The following SMARCA2 variants were observed in gnomAD, a reference collection of about 807,000 sequenced individuals.
SMARCA2 encodes the protein SWI/SNF-related matrix-associated actin-dependent regulator of chromatin subfamily A member 2.
Under a neutral mutation model 199.8 loss-of-function variants are expected in SMARCA2, and 61 were observed. The ratio of observed to expected loss-of-function variants is 0.31; its 90% CI spans 0.25 to 0.38. The LOEUF (loss-of-function observed/expected upper bound fraction) is 0.38. Ranked by LOEUF, SMARCA2 falls within the 10% of genes least tolerant of loss-of-function variation. The pLI is 1.00. For missense variants in SMARCA2, 1,344 were observed against 2,012.2 expected (o/e 0.67, Z 6.35); for synonymous variants, 935 against 732.0 (o/e 1.28, Z -4.48).
chr9:2,058,581 A>G lies in SMARCA2; in HGVS notation c.1521+117A>G, dbSNP rs914658125. The G allele has an allele frequency of 3.4e-6, 3 of 873,298 alleles. No homozygotes were observed. In the Admixed American group the frequency reaches 8.3e-5, roughly 24 times the overall value. 54.1% of individuals were successfully genotyped at this position (873,298 alleles called of 1,614,324 possible). ...ATGAAAACTGCTTATCAAAAATTTT[A>G]GTAAATTTCTTTGAACCTTAGGGAG... On this transcript the variant is annotated intron_variant, in intron 8 of 33. Coordinates refer to ENST00000349721, the MANE Select transcript of SMARCA2 (RefSeq NM_003070.5).
In SMARCA2 at chr9:2,077,794, A is replaced by G. The variant is rs374033028; in HGVS notation, c.2184+18A>G. The G allele has an allele frequency of 5.0e-6, 8 of 1,591,922 alleles. No individual in the cohort carries two copies. Among genetic ancestry groups the G allele is most frequent in the Non-Finnish European group, 6.8e-6 (8 of 1,168,120 alleles). On this transcript the variant is annotated intron_variant, in intron 14 of 33. Coordinates refer to ENST00000349721, the MANE Select transcript of SMARCA2 (RefSeq NM_003070.5). Reference sequence around the variant, plus strand: ...ATTACCAGGTAATTGGCATGGTTTCAGTTTCCTTGGCAAGTTGTAACCATT... The same window carrying G: ...ATTACCAGGTAATTGGCATGGTTTCGGTTTCCTTGGCAAGTTGTAACCATT...
At chr9:2,120,370 G>A (rs1362996231) in intron 26 of SMARCA2, among the ~76,000 whole-genome samples, 4 of 152,142 alleles carry the variant, frequency 2.6e-5, no homozygotes, top group Admixed American at 2.0e-4. Context: ...GTCTATGGGG[G>A]GACAGAGCTG....
chr9:2,096,641 G>T lies in SMARCA2; in HGVS notation c.2884-16G>T, dbSNP rs769461770. 1.9e-6 allele frequency: 3 copies of T among 1,574,984 alleles called. No homozygotes were observed. The highest frequency in any genetic ancestry group is 4.5e-5 in the East Asian group (2 of 44,684). On this transcript the variant is annotated splice_polypyrimidine_tract_variant and intron_variant, in intron 19 of 33. Coordinates refer to ENST00000349721, the MANE Select transcript of SMARCA2 (RefSeq NM_003070.5). ...TCCTTCCTGCTCTTGCCTACTTACT[G>T]TTCTCTTTTCTGCAGGTGGAATATG... is the stretch of plus-strand genomic sequence containing the variant.
chr9:2,053,812 C>A (rs1820233736), intron 5 of SMARCA2, among the ~76,000 whole-genome samples: 1 of 152,216 alleles, frequency 6.6e-6, no homozygotes, highest in African/African-American at 2.4e-5. Flanking sequence ...AATAGTATCC[C>A]AAGTGAATGG....
intron 10 of SMARCA2, among the ~76,000 whole-genome samples, chr9:2,071,252 A>G (rs1031716186): frequency 5.9e-5 from 9 of 152,214 alleles, no homozygotes; most frequent in Non-Finnish European, 1.3e-4. Context: ...GAGATGCAGA[A>G]AAAAAAGATT....
At chr9:2,155,502 C>G (rs7875647) in intron 27 of SMARCA2, among the ~76,000 whole-genome samples, 12,387 of 152,058 alleles carry the variant, frequency 0.081, 1,708 homozygotes, top group African/African-American at 0.28. Context: ...AGGCTGGTCT[C>G]GAACTCCTGA....
chr9:2,081,706 T>G (rs1586684794), intron 14 of SMARCA2, 126 bp from the exon 15 acceptor site: 1 of 729,970 alleles, frequency 1.4e-6, no homozygotes, highest in East Asian at 2.6e-5. Context: ...TTCCCCCATT[T>G]TCCTACTGTG....
At chr9:2,042,750 C>T (rs1819666912) in intron 4 of SMARCA2, 1 of 151,694 alleles carries the variant, frequency 6.6e-6, no homozygotes, top group Non-Finnish European at 1.5e-5. Context: ...ACTCACTGCT[C>T]ATGTCTTTTT....
chr9:2,072,593 C>T (rs1343509660), intron 10 of SMARCA2, among the ~76,000 whole-genome samples: 1 of 152,220 alleles, frequency 6.6e-6, no homozygotes, highest in African/African-American at 2.4e-5. Flanking sequence ...AATACCTTTT[C>T]TGTTTTTCAT....
At chr9:2,144,358 C>T (rs1448579686) in intron 27 of SMARCA2, among the ~76,000 whole-genome samples, 1 of 152,142 alleles carries the variant, frequency 6.6e-6, no homozygotes, top group South Asian at 2.1e-4. Flanking sequence ...CAGAGCAAGT[C>T]CGTTCTTGTG....
rs7874215 is a variant in SMARCA2, at chr9:2,145,456, T to A, written c.3982-16230T>A. On this transcript the variant is annotated intron_variant, in intron 27 of 33. Transcript: ENST00000349721. ...ATTAGAAAGCTTTTGGCAATTTTTTTAAAATTATTAATGTCCTTCTGGGTG... is the reference window on the plus strand; with the variant it reads ...ATTAGAAAGCTTTTGGCAATTTTTTAAAAATTATTAATGTCCTTCTGGGTG... Among the ~76,000 whole-genome samples, 871 of 152,286 alleles carry A rather than the reference T, an allele frequency of 5.7e-3. 3 individuals are homozygous for A. The highest frequency in any genetic ancestry group is 0.019 in the African/African-American group (784 of 41,558).
chr9:2,058,690 C>T (rs1355371128), intron 8 of SMARCA2, among the ~76,000 whole-genome samples: 1 of 152,066 alleles, frequency 6.6e-6, no homozygotes, highest in Non-Finnish European at 1.5e-5. Flanking sequence ...ATTTCTGTGT[C>T]CTGGGGTGGC....
At chr9:2,083,562 A>G in intron 16 of SMARCA2, 149 bp downstream of exon 16, 1 of 536,608 alleles carries the variant, frequency 1.9e-6, no homozygotes, top group Non-Finnish European at 3.3e-6. Context: ...AATCATCCCA[A>G]GAAGATTACT....
chr9:2,175,851 T>C (rs1826545047), intron 29 of SMARCA2, among the ~76,000 whole-genome samples: 1 of 152,050 alleles, frequency 6.6e-6, no homozygotes, highest in South Asian at 2.1e-4. Flanking sequence ...TACAATTTGA[T>C]ATCCTCTGTT....
At chr9:2,121,524 A>C (rs1002459821) in intron 26 of SMARCA2, among the ~76,000 whole-genome samples, 1 of 152,242 alleles carries the variant, frequency 6.6e-6, no homozygotes, top group African/African-American at 2.4e-5. Context: ...TGCCAGCTAC[A>C]GATTAAAAAG....
chr9:2,143,383 G>C (rs1330007363), intron 27 of SMARCA2, among the ~76,000 whole-genome samples: 1 of 152,242 alleles, frequency 6.6e-6, no homozygotes, highest in African/African-American at 2.4e-5. Flanking sequence ...TTCACAGAAA[G>C]AGTTCAAAGC....
chr9:2,090,874 G>A (rs556903428), intron 19 of SMARCA2, among the ~76,000 whole-genome samples: 10 of 151,164 alleles, frequency 6.6e-5, no homozygotes, highest in Middle Eastern at 3.4e-3. Context: ...TTTTTAGCCT[G>A]GGGAAAGTTG....
At position 2,104,168 on chromosome 9, in the gene SMARCA2, T is replaced by C; in HGVS notation, c.3291T>C (p.Asp1097=). 6.2e-7 allele frequency: 1 copy of C among 1,613,100 alleles called. No homozygotes were observed. Among genetic ancestry groups the C allele is most frequent in the South Asian group, 1.1e-5 (1 of 91,024 alleles). ...AFRNFLYLRL[D]GTTKSEDRAA... Reference sequence around the variant, plus strand: ...GGAACTTCCTTTACCTACGCCTTGATGGTAAGTGCATAAGGCATTAGGCTC... The same window carrying C: ...GGAACTTCCTTTACCTACGCCTTGACGGTAAGTGCATAAGGCATTAGGCTC... The change falls in exon 23 of 34, where the codon GAT becomes GAC. Residue 1097 remains aspartate (D), a splice_region_variant and synonymous_variant. Transcript: ENST00000349721. The surrounding 1 kb of genome is among the most constrained non-coding windows in gnomAD (Gnocchi z 4.0).
Position 2,119,306 on chromosome 9 carries a change from ATAG to A in SMARCA2, c.3685-149_3685-147del, listed in dbSNP as rs2130611585. The stretch of plus-strand genomic sequence containing the variant: ...GAAGATGGTTTTAATAGCTTGTAAA[ATAG>A]TAACGTCAAGGACTAAATCCAGCAA... On this transcript the variant is annotated intron_variant, in intron 25 of 33. Transcript: ENST00000349721. The surrounding 1 kb of genome is among the most constrained non-coding windows in gnomAD (Gnocchi z 4.6). 1 of 581,640 alleles carries A rather than the reference ATAG, an allele frequency of 1.7e-6. No homozygotes were observed. The highest frequency in any genetic ancestry group is 2.8e-5 in the East Asian group (1 of 35,146). 36.0% of individuals were successfully genotyped at this position (581,640 alleles called of 1,614,324 possible). A position where few individuals can be genotyped will look rare whatever the true frequency, so the allele number is the denominator to read the frequency against.
Sources: allele counts gnomAD v4.1 joint callset (sites outside exome capture counted in the v4.1 genomes callset), GRCh38; gene constraint gnomAD v4.1.1; non-coding constraint Gnocchi (gnomAD v3.1); transcripts MANE v1.5; gene names NCBI Gene and HGNC (gene_info 2026-07-23, HGNC 2026-07-21).